The following LRRC4C variants were observed in gnomAD, a reference collection of about 807,000 sequenced individuals.
LRRC4C encodes the protein leucine-rich repeat-containing protein 4C.
A neutral mutation model predicts 33.6 loss-of-function variants in LRRC4C; 5 were observed. That is an observed-to-expected ratio of 0.15 (90% confidence interval 0.08 to 0.31). The LOEUF (loss-of-function observed/expected upper bound fraction) is 0.31, where lower values mean the gene tolerates loss of function less well. Ranked by LOEUF, LRRC4C falls within the 10% of genes least tolerant of loss-of-function variation. The probability of loss-of-function intolerance (pLI) is 1.00; values close to 1 mark genes in which losing one functional copy is unlikely to be tolerated. For synonymous variants in LRRC4C, 329 were observed against 302.0 expected (o/e 1.09, Z -0.93); for missense variants, 560 against 796.7 (o/e 0.70, Z 3.58).
At chr11:40,121,347 T>C (rs569703343) in intron 6 of LRRC4C, among the ~76,000 whole-genome samples, 4 of 152,356 alleles carry the variant, frequency 2.6e-5, no homozygotes, top group South Asian at 4.1e-4. Flanking sequence ...TATAGCTGGT[T>C]CAAAGCTAAT....
chr11:40,808,851 A>G (rs927166615), intron 2 of LRRC4C, among the ~76,000 whole-genome samples: 4 of 152,140 alleles, frequency 2.6e-5, no homozygotes, highest in African/African-American at 7.2e-5. Flanking sequence ...TTCTCATCAC[A>G]TATCTACATG....
At chr11:40,682,708 T>A (rs1373304325) in intron 2 of LRRC4C, among the ~76,000 whole-genome samples, 2 of 151,220 alleles carry the variant, frequency 1.3e-5, no homozygotes, top group Non-Finnish European at 2.9e-5. Context: ...GAGATGGTGG[T>A]TGCACTCCAG....
In LRRC4C at chr11:41,251,109, T is replaced by G. The variant is rs186915849; in HGVS notation, c.-496+208322A>C. 3.9e-5 allele frequency among the ~76,000 whole-genome samples: 6 copies of G among 152,238 alleles called. No individual in the cohort carries two copies. The East Asian group carries it at 1.2e-3, about 29-fold the overall frequency. The stretch of plus-strand genomic sequence containing the variant: ...GCCAAACAATACAAAACCCCAAACC[T>G]CAAATGATAAAGTATTTATTTTACA... On this transcript the variant is annotated intron_variant, in intron 1 of 6. Transcript: ENST00000528697.
At chr11:41,119,852 G>T (rs1264437101) in intron 1 of LRRC4C, among the ~76,000 whole-genome samples, 1 of 152,092 alleles carries the variant, frequency 6.6e-6, no homozygotes. Flanking sequence ...ATGAGCTGAG[G>T]ACATTAGTTT....
At chr11:40,640,885 G>C (rs1198316912) in intron 3 of LRRC4C, among the ~76,000 whole-genome samples, 1 of 151,658 alleles carries the variant, frequency 6.6e-6, no homozygotes, top group African/African-American at 2.4e-5. Flanking sequence ...GCGTGGTGGC[G>C]GGCGCCTGTA....
At chr11:40,420,879 T>C (rs964528145) in intron 3 of LRRC4C, among the ~76,000 whole-genome samples, 3 of 152,226 alleles carry the variant, frequency 2.0e-5, no homozygotes, top group African/African-American at 7.2e-5. Context: ...ATAAGAACTA[T>C]TAACATGTTT....
At chr11:41,205,636 G>A (rs1261063446) in intron 1 of LRRC4C, among the ~76,000 whole-genome samples, 1 of 151,882 alleles carries the variant, frequency 6.6e-6, no homozygotes, top group Admixed American at 6.6e-5. Flanking sequence ...CCTCTTCAGT[G>A]GGTTTGGCAA....
intron 2 of LRRC4C, among the ~76,000 whole-genome samples, chr11:40,819,045 T>A (rs1415875762): frequency 6.6e-6 from 1 of 152,034 alleles, no homozygotes; most frequent in Non-Finnish European, 1.5e-5. Flanking sequence ...TCATTTCCTA[T>A]GAAACTTTTA....
At chr11:41,085,715 T>G (rs1379938466) in intron 1 of LRRC4C, among the ~76,000 whole-genome samples, 1 of 151,982 alleles carries the variant, frequency 6.6e-6, no homozygotes. Context: ...CAGAAATCAA[T>G]GGCATTAGCA....
intron 1 of LRRC4C, among the ~76,000 whole-genome samples, chr11:40,987,453 C>T (rs1047959751): frequency 6.6e-6 from 1 of 151,738 alleles, no homozygotes; most frequent in African/African-American, 2.4e-5. Context: ...TCTTGCTCTG[C>T]CTGTTTTCCA....
intron 1 of LRRC4C, among the ~76,000 whole-genome samples, chr11:41,318,513 A>T (rs1340281744): frequency 1.3e-5 from 2 of 152,116 alleles, no homozygotes; most frequent in Non-Finnish European, 2.9e-5. Flanking sequence ...TTCAAATATG[A>T]TCAGAACTTC....
intron 4 of LRRC4C, among the ~76,000 whole-genome samples, chr11:40,290,411 C>A (rs1944115393): frequency 1.3e-5 from 2 of 152,184 alleles, no homozygotes; most frequent in Admixed American, 1.3e-4. Context: ...ATTGCCTGAT[C>A]TGTGTTCCAA....
chr11:41,057,266 C>A (rs1858695277), intron 1 of LRRC4C, among the ~76,000 whole-genome samples: 2 of 152,204 alleles, frequency 1.3e-5, no homozygotes, highest in South Asian at 4.1e-4. Flanking sequence ...TGGGTGTTCA[C>A]ACACTCGAGG....
chr11:40,782,492 A>G (rs1292386327), intron 2 of LRRC4C, among the ~76,000 whole-genome samples: 2 of 151,996 alleles, frequency 1.3e-5, no homozygotes, highest in African/African-American at 4.8e-5. Flanking sequence ...AGCAGCCACA[A>G]AAGGACTTGA....
chr11:40,623,434 T>G (rs1382196600), intron 3 of LRRC4C, among the ~76,000 whole-genome samples: 1 of 152,042 alleles, frequency 6.6e-6, no homozygotes, highest in Non-Finnish European at 1.5e-5. Context: ...ATTTGCTTAC[T>G]TATCTAGCTA....
intron 3 of LRRC4C, among the ~76,000 whole-genome samples, chr11:40,635,649 T>TC: frequency 6.9e-6 from 1 of 145,126 alleles, no homozygotes; most frequent in Non-Finnish European, 1.5e-5. Flanking sequence ...TTTTTTTTTT[T>TC]TTTTTGAGAC....
chr11:41,277,673 A>G (rs1165565684), intron 1 of LRRC4C, among the ~76,000 whole-genome samples: 1 of 152,146 alleles, frequency 6.6e-6, no homozygotes, highest in Non-Finnish European at 1.5e-5. Context: ...GCAGGTGACA[A>G]TTGAGCACCT....
intron 5 of LRRC4C, among the ~76,000 whole-genome samples, chr11:40,162,318 C>T (rs1859222584): frequency 6.6e-6 from 1 of 151,910 alleles, no homozygotes; most frequent in Non-Finnish European, 1.5e-5. Context: ...TTCTTTGGTG[C>T]AAAGGTTAAA....
At chr11:40,409,135 A>G (rs1334094079) in intron 3 of LRRC4C, among the ~76,000 whole-genome samples, 3 of 152,152 alleles carry the variant, frequency 2.0e-5, no homozygotes, top group Admixed American at 6.6e-5. Context: ...GGTGCCAAGA[A>G]TACATAATAA....
Sources: allele counts gnomAD v4.1 joint callset (sites outside exome capture counted in the v4.1 genomes callset), GRCh38; gene constraint gnomAD v4.1.1; transcripts MANE v1.5; gene names NCBI Gene and HGNC (gene_info 2026-07-23, HGNC 2026-07-21).